The following OTUD3 variants were observed in gnomAD, a reference collection of about 807,000 sequenced individuals.
OTUD3 encodes OTU domain-containing protein 3.
Under a neutral mutation model 46.2 loss-of-function variants are expected in OTUD3, and 24 were observed. That is an observed-to-expected ratio of 0.52 (90% CI 0.38 to 0.73). The LOEUF (loss-of-function observed/expected upper bound fraction) is 0.73. OTUD3 is among the 30% of genes least tolerant of loss of function. OTUD3 has a pLI of 0.00. For missense variants in OTUD3, 455 were observed against 523.3 expected (o/e 0.87, Z 1.27); for synonymous variants, 189 against 195.4 (o/e 0.97, Z 0.27).
intron 1 of OTUD3, among the ~76,000 whole-genome samples, chr1:19,889,577 G>C (rs1015483592): frequency 3.3e-5 from 5 of 152,188 alleles, no homozygotes; most frequent in African/African-American, 1.2e-4. Flanking sequence ...TGTCTTGTTT[G>C]AGTCTCTGTG....
At position 19,910,964 on chromosome 1, in the gene OTUD3, T is replaced by C. The variant is rs2045726150; in HGVS notation, c.*3218T>C. On this transcript the variant is annotated 3_prime_UTR_variant, in exon 8 of 8. Transcript: ENST00000375120. ...TGCAATTTCTCTAATTCTGAGAAAC[T>C]CTGTAGACTCTGCCTGGGTTTTACT... 6.6e-6 allele frequency: 1 copy of C among 152,354 alleles called. No individual in the cohort carries two copies. The highest frequency in any genetic ancestry group is 1.5e-5 in the Non-Finnish European group (1 of 68,062). The allele number at this position is 152,354 out of a possible 1,614,324, so 9.4% of individuals were successfully genotyped here.
At chr1:19,887,556 T>G (rs1051100895) in intron 1 of OTUD3, among the ~76,000 whole-genome samples, 1 of 152,180 alleles carries the variant, frequency 6.6e-6, no homozygotes, top group Non-Finnish European at 1.5e-5. Flanking sequence ...TTATAGAAAT[T>G]GGCAGAATCC....
At chr1:19,884,714 A>G (rs1196471429) in intron 1 of OTUD3, among the ~76,000 whole-genome samples, 1 of 152,224 alleles carries the variant, frequency 6.6e-6, no homozygotes, top group Non-Finnish European at 1.5e-5. Context: ...ACTCCACTGC[A>G]CTTGTGAGAG....
At chr1:19,897,215 A>G (rs990839828) in intron 3 of OTUD3, among the ~76,000 whole-genome samples, 3 of 152,148 alleles carry the variant, frequency 2.0e-5, no homozygotes, top group Non-Finnish European at 4.4e-5. Context: ...TCCCCTTGGA[A>G]GGGGCTTGTG....
intron 3 of OTUD3, among the ~76,000 whole-genome samples, chr1:19,896,341 A>G (rs2100283785): frequency 6.8e-6 from 1 of 147,306 alleles, no homozygotes; most frequent in Middle Eastern, 3.5e-3. Flanking sequence ...AATTTGGTGA[A>G]TATTCTTCCA....
At position 19,907,686 on chromosome 1, in the gene OTUD3, C is replaced by T. The variant is rs770657770; in HGVS notation, c.1137C>T (p.Ser379=). Residue 379 remains serine, a synonymous_variant, in exon 8 of 8, where the codon AGC becomes AGT. Transcript: ENST00000375120. Reference sequence around the variant, plus strand: ...GTAGCCACAGGGACAATAACAGAAGCGAAGCAGAGGCGAACACGCAGGTCA... The same window carrying T: ...GTAGCCACAGGGACAATAACAGAAGTGAAGCAGAGGCGAACACGCAGGTCA... The part of the protein sequence containing the change: ...SRGSHRDNNR[S]EAEANTQVTL... 25 of 1,614,082 alleles carry T rather than the reference C, an allele frequency of 1.5e-5. No homozygotes were observed. Among genetic ancestry groups the T allele is most frequent in the Non-Finnish European group, 1.9e-5 (23 of 1,180,052 alleles).
intron 1 of OTUD3, among the ~76,000 whole-genome samples, chr1:19,883,783 G>T (rs924708671): frequency 6.6e-6 from 1 of 152,130 alleles, no homozygotes; most frequent in Non-Finnish European, 1.5e-5. Context: ...CCCCGGCCAG[G>T]AATTGCCTTA....
chr1:19,895,439 G>GC (rs1375067239), intron 3 of OTUD3, among the ~76,000 whole-genome samples: 2 of 152,040 alleles, frequency 1.3e-5, no homozygotes, highest in Non-Finnish European at 2.9e-5. Context: ...GTAATCACTG[G>GC]CCCCCTCCCC....
In OTUD3 at chr1:19,910,783, C is replaced by T. The variant is rs979750330; in HGVS notation, c.*3037C>T. 2.6e-5 allele frequency: 4 copies of T among 152,310 alleles called. No homozygotes were observed. Among genetic ancestry groups the T allele is most frequent in the African/African-American group, 7.2e-5 (3 of 41,410 alleles). The allele number at this position is 152,310 out of a possible 1,614,324, so 9.4% of individuals were successfully genotyped here. On this transcript the variant is annotated 3_prime_UTR_variant, in exon 8 of 8. Coordinates refer to ENST00000375120, the MANE Select transcript of OTUD3 (RefSeq NM_015207.2). ...TAATTTATTATGCCTGCCCTGCTTCCCCCAGGGAGCTGCTTCAGTGTGAAA... is the reference window on the plus strand; with the variant it reads ...TAATTTATTATGCCTGCCCTGCTTCTCCCAGGGAGCTGCTTCAGTGTGAAA...
intron 3 of OTUD3, 52 bp downstream of exon 3, chr1:19,894,532 T>A (rs1438799073): frequency 2.7e-6 from 3 of 1,109,652 alleles, no homozygotes; most frequent in Non-Finnish European, 1.3e-6. Context: ...TAAGTCAGCT[T>A]TGGGAATATC....
At position 19,882,470 on chromosome 1, in the gene OTUD3, C is replaced by A. The variant is rs1215164366; in HGVS notation, c.-44C>A. On this transcript the variant is annotated 5_prime_UTR_variant, in exon 1 of 8. Transcript: ENST00000375120. ...ACGCTTGAGGCGGACGCTGGGGGGT[C>A]CTGCGCCTTTCCCTCCTGCCGCTGG... 1 of 1,340,946 alleles carries A rather than the reference C, an allele frequency of 7.5e-7. No individual in the cohort carries two copies. The highest frequency in any genetic ancestry group is 9.5e-7 in the Non-Finnish European group (1 of 1,051,694). The allele number at this position is 1,340,946 out of a possible 1,614,324, so 83.1% of individuals were successfully genotyped here. A position where few individuals can be genotyped will look rare whatever the true frequency, so the allele number is the denominator to read the frequency against.
intron 1 of OTUD3, among the ~76,000 whole-genome samples, chr1:19,889,782 A>C (rs915102414): frequency 4.6e-5 from 7 of 152,214 alleles, no homozygotes; most frequent in Non-Finnish European, 8.8e-5. Flanking sequence ...GCAAGGAGGA[A>C]GTGTCTTTCC....
At position 19,895,861 on chromosome 1, in the gene OTUD3, T is replaced by C. The variant is rs1167456613; in HGVS notation, c.483+1381T>C. Among the ~76,000 whole-genome samples the C allele has an allele frequency of 2.0e-5, 3 of 152,324 alleles. No homozygotes were observed. In the East Asian group the frequency reaches 5.8e-4, roughly 29 times the overall value. On this transcript the variant is annotated intron_variant, in intron 3 of 7. Transcript: ENST00000375120. Reference sequence around the variant, plus strand: ...ATACACAGCATAATGACCCTCACCTTGAAGGGGAATACTCACTACCAACTC... The same window carrying C: ...ATACACAGCATAATGACCCTCACCTCGAAGGGGAATACTCACTACCAACTC...
intron 5 of OTUD3, 112 bp downstream of exon 5, chr1:19,904,510 A>ATTTT: frequency 3.3e-6 from 3 of 898,090 alleles, no homozygotes; most frequent in Non-Finnish European, 5.2e-6. Flanking sequence ...GGGCCAAAAT[A>ATTTT]GGCCCATGAG....
chr1:19,883,832 C>T (rs1255637139), intron 1 of OTUD3, among the ~76,000 whole-genome samples: 1 of 152,206 alleles, frequency 6.6e-6, no homozygotes, highest in Admixed American at 6.5e-5. Context: ...AAAATTTTCA[C>T]ATTACATTGC....
rs1234431674 is a variant in OTUD3, at chr1:19,897,594, G to A, written c.538G>A (p.Gly180Arg). The stretch of plus-strand genomic sequence containing the variant: ...GGAGTTACACATCGCATATCGGTAT[G>A]GAGAGCACTACGACAGTGTTCGGAG... ...VRELHIAYRY[G>R]EHYDSVRRIN... The change falls in exon 4 of 8, where the codon GGA (glycine) becomes AGA (arginine). Residue 180 changes from glycine to arginine, a missense_variant. Gly to Arg is a moderately radical substitution (Grantham distance 125). Coordinates refer to ENST00000375120, the MANE Select transcript of OTUD3 (RefSeq NM_015207.2). 1.9e-6 allele frequency: 3 copies of A among 1,614,046 alleles called. No individual in the cohort carries two copies. In the Admixed American group the frequency reaches 5.0e-5, roughly 27 times the overall value.
At chr1:19,887,407 A>G (rs2045380593) in intron 1 of OTUD3, among the ~76,000 whole-genome samples, 1 of 152,112 alleles carries the variant, frequency 6.6e-6, no homozygotes, top group African/African-American at 2.4e-5. Context: ...ATTTTCTTAT[A>G]TGACCGCTTC....
In OTUD3 at chr1:19,910,747, C is replaced by T. The variant is rs1018538376; in HGVS notation, c.*3001C>T. ...CAGCTGGAGCTGGCTGGGAGGGAGCCTCTCCATGGGTAATTTATTATGCCT... is the reference window on the plus strand; with the variant it reads ...CAGCTGGAGCTGGCTGGGAGGGAGCTTCTCCATGGGTAATTTATTATGCCT... On this transcript the variant is annotated 3_prime_UTR_variant, in exon 8 of 8. Transcript: ENST00000375120. 6.6e-5 allele frequency: 10 copies of T among 152,252 alleles called. No individual in the cohort carries two copies. Among genetic ancestry groups the T allele is most frequent in the Admixed American group, 2.6e-4 (4 of 15,268 alleles). 9.4% of individuals were successfully genotyped at this position (152,252 alleles called of 1,614,324 possible). A position where few individuals can be genotyped will look rare whatever the true frequency, so the allele number is the denominator to read the frequency against.
intron 1 of OTUD3, 115 bp downstream of exon 1, chr1:19,882,849 C>T: frequency 5.2e-6 from 5 of 965,626 alleles, no homozygotes; most frequent in Non-Finnish European, 5.4e-6. Context: ...CGGGCGCCTC[C>T]CGCGAGCCAG....
Sources: allele counts gnomAD v4.1 joint callset (sites outside exome capture counted in the v4.1 genomes callset), GRCh38; gene constraint gnomAD v4.1.1; transcripts MANE v1.5; gene names NCBI Gene and HGNC (gene_info 2026-07-23, HGNC 2026-07-21).